SGCZ: variants seen among roughly 807,000 people sequenced by gnomAD.
SGCZ encodes zeta-sarcoglycan.
Under a neutral mutation model 41.3 loss-of-function variants are expected in SGCZ, and 40 were observed. The observed-to-expected ratio is 0.97, with a 90% CI of 0.75 to 1.26. The LOEUF is 1.26. Ranked by LOEUF, SGCZ falls within the 50% of genes most tolerant of loss-of-function variation. The probability of loss-of-function intolerance (pLI) is 0.00; values close to 1 mark genes in which losing one functional copy is unlikely to be tolerated. For synonymous variants in SGCZ, 206 were observed against 137.5 expected (o/e 1.50, Z -3.49); for missense variants, 552 against 369.8 (o/e 1.49, Z -4.04).
chr8:15,180,622 A>G (rs1262423635), intron 1 of SGCZ, among the ~76,000 whole-genome samples: 1 of 151,802 alleles, frequency 6.6e-6, no homozygotes, highest in Non-Finnish European at 1.5e-5. Context: ...ATGGTGACTC[A>G]CGCCTGTAAT....
intron 1 of SGCZ, among the ~76,000 whole-genome samples, chr8:14,578,281 TAATC>T (rs1804778643): frequency 6.6e-6 from 1 of 152,206 alleles, no homozygotes; most frequent in African/African-American, 2.4e-5. Context: ...ACCTTTTCCC[TAATC>T]CACATCTAGG....
chr8:14,711,949 T>A (rs946854428), intron 1 of SGCZ, among the ~76,000 whole-genome samples: 1 of 152,032 alleles, frequency 6.6e-6, no homozygotes, highest in Non-Finnish European at 1.5e-5. Flanking sequence ...TCAGTGCAAA[T>A]CTTCACACCC....
intron 3 of SGCZ, among the ~76,000 whole-genome samples, chr8:14,252,802 G>T (rs901080499): frequency 6.6e-6 from 1 of 152,174 alleles, no homozygotes; most frequent in Non-Finnish European, 1.5e-5. Flanking sequence ...AGTGCCAGTT[G>T]TCTCTAAGGG....
At chr8:15,201,386 C>T (rs1052670875) in intron 1 of SGCZ, among the ~76,000 whole-genome samples, 1 of 152,160 alleles carries the variant, frequency 6.6e-6, no homozygotes, top group African/African-American at 2.4e-5. Context: ...AGTTTGCTTC[C>T]TATTTAGTCA....
chr8:15,229,414 G>A (rs906761505), intron 1 of SGCZ, among the ~76,000 whole-genome samples: 20 of 152,110 alleles, frequency 1.3e-4, no homozygotes, highest in African/African-American at 4.8e-4. Flanking sequence ...GGTATTTGTT[G>A]GAGATGGACC....
At chr8:14,590,149 C>T (rs1045152853) in intron 1 of SGCZ, among the ~76,000 whole-genome samples, 3 of 151,958 alleles carry the variant, frequency 2.0e-5, no homozygotes, top group African/African-American at 7.2e-5. Context: ...TATATTTTTA[C>T]ATCATTCAAA....
At chr8:14,618,148 G>C (rs968231857) in intron 1 of SGCZ, among the ~76,000 whole-genome samples, 1 of 151,988 alleles carries the variant, frequency 6.6e-6, no homozygotes, top group African/African-American at 2.4e-5. Flanking sequence ...AGAAAAACTT[G>C]ACAATAAAAT....
At chr8:15,182,117 T>A (rs1048185977) in intron 1 of SGCZ, among the ~76,000 whole-genome samples, 1 of 152,146 alleles carries the variant, frequency 6.6e-6, no homozygotes, top group African/African-American at 2.4e-5. Flanking sequence ...GACTCCTCTA[T>A]CTAGCAAAAT....
At chr8:14,464,460 A>T (rs191906524) in intron 2 of SGCZ, among the ~76,000 whole-genome samples, 15 of 146,882 alleles carry the variant, frequency 1.0e-4, no homozygotes, top group Non-Finnish European at 1.5e-4. Flanking sequence ...TCCACCCTCA[A>T]TTCTGATTTT....
chr8:14,587,245 TTAG>T (rs1805089127), intron 1 of SGCZ, among the ~76,000 whole-genome samples: 1 of 151,966 alleles, frequency 6.6e-6, no homozygotes, highest in Admixed American at 6.6e-5. Context: ...CTACTATATC[TTAG>T]TAGAAGATAT....
At chr8:14,787,324 G>C (rs1225603845) in intron 1 of SGCZ, among the ~76,000 whole-genome samples, 6 of 152,062 alleles carry the variant, frequency 3.9e-5, no homozygotes, top group Admixed American at 3.3e-4. Context: ...TTATATATGG[G>C]AGGCTAGCGG....
At chr8:14,287,308 TG>T (rs892230635) in intron 3 of SGCZ, among the ~76,000 whole-genome samples, 3 of 151,944 alleles carry the variant, frequency 2.0e-5, no homozygotes, top group Admixed American at 6.6e-5. Context: ...AATGTCATAC[TG>T]GGTGTTATGT....
At chr8:14,532,071 T>C (rs1308005653) in intron 2 of SGCZ, among the ~76,000 whole-genome samples, 1 of 152,150 alleles carries the variant, frequency 6.6e-6, no homozygotes, top group African/African-American at 2.4e-5. Context: ...ACATTTTAAA[T>C]CTTTCCATGT....
At chr8:14,824,975 C>T (rs920125426) in intron 1 of SGCZ, among the ~76,000 whole-genome samples, 1 of 152,094 alleles carries the variant, frequency 6.6e-6, no homozygotes, top group Non-Finnish European at 1.5e-5. Context: ...TATTACAAGA[C>T]CAACACATAT....
At chr8:14,977,732 A>T (rs1041887057) in intron 1 of SGCZ, among the ~76,000 whole-genome samples, 1 of 152,102 alleles carries the variant, frequency 6.6e-6, no homozygotes, top group Non-Finnish European at 1.5e-5. Flanking sequence ...CTCTCCCTAC[A>T]TATTTTTTAT....
chr8:14,859,551 A>G (rs1205409696), intron 1 of SGCZ, among the ~76,000 whole-genome samples: 1 of 152,144 alleles, frequency 6.6e-6, no homozygotes, highest in Non-Finnish European at 1.5e-5. Flanking sequence ...AGATTCATAG[A>G]CAAAGGGTTT....
At chr8:15,015,425 C>T (rs1802988024) in intron 1 of SGCZ, among the ~76,000 whole-genome samples, 1 of 151,938 alleles carries the variant, frequency 6.6e-6, no homozygotes, top group African/African-American at 2.4e-5. Context: ...CGTGGCTGGG[C>T]ACGGTGGCTC....
At chr8:14,324,368 T>A (rs954323286) in intron 2 of SGCZ, among the ~76,000 whole-genome samples, 164 bp from the exon 3 acceptor site, 2 of 152,126 alleles carry the variant, frequency 1.3e-5, no homozygotes, top group African/African-American at 4.8e-5. Flanking sequence ...GCCCTTTGCA[T>A]GCATATAGAG....
chr8:14,972,186 A>G (rs1801321721), intron 1 of SGCZ, among the ~76,000 whole-genome samples: 1 of 152,124 alleles, frequency 6.6e-6, no homozygotes, highest in Non-Finnish European at 1.5e-5. Flanking sequence ...TAAATTTCAT[A>G]TTAGTAATTT....
Sources: gnomAD v4.1 joint callset for allele counts (sites outside exome capture counted in the v4.1 genomes callset) on GRCh38, gnomAD v4.1.1 for gene constraint, MANE v1.5 for transcripts, NCBI Gene and HGNC (gene_info 2026-07-23, HGNC 2026-07-21) for gene names.